The following PHEX variants were observed in gnomAD, a reference collection of about 807,000 sequenced individuals.
PHEX encodes the protein phosphate regulating endopeptidase X-linked.
In PHEX, 16 loss-of-function variants were observed where a neutral mutation model predicts 68.0. The ratio of observed to expected loss-of-function variants is 0.24; its 90% confidence interval spans 0.16 to 0.36. PHEX has a LOEUF of 0.36. Among genes scored for constraint, PHEX ranks in the 10% least tolerant of loss-of-function variants. PHEX has a pLI of 1.00. For synonymous variants in PHEX, 208 were observed against 205.1 expected (o/e 1.01, Z -0.12); for missense variants, 480 against 575.5 (o/e 0.83, Z 1.70).
chrX:22,044,161 T>C (rs1441450771), intron 2 of PHEX, among the ~76,000 whole-genome samples: 1 of 110,484 alleles, frequency 9.1e-6, no homozygotes, highest in Non-Finnish European at 1.9e-5. Flanking sequence ...ATGGAGAGGA[T>C]ACATTTGAGG....
chrX:22,203,333 T>C (rs2285072), intron 15 of PHEX, among the ~76,000 whole-genome samples: 30,485 of 109,162 alleles, frequency 0.28, 3,449 homozygotes, highest in African/African-American at 0.39. Flanking sequence ...TTGTCAGCTC[T>C]AGGCTGATAG....
At chrX:22,240,591 A>C (rs1225232151) in intron 20 of PHEX, among the ~76,000 whole-genome samples, 4 of 110,731 alleles carry the variant, frequency 3.6e-5, no homozygotes, top group African/African-American at 9.9e-5. Context: ...CAAAAAAAAA[A>C]CAGAGGTTGC....
rs181916312 is a variant in PHEX at position 22,076,816 on chromosome X, G to A, written c.436+342G>A. Among the ~76,000 whole-genome samples the A allele has an allele frequency of 4.9e-4, 55 of 112,139 alleles. 1 individual carries two copies. The highest frequency in any genetic ancestry group is 1.8e-3 in the African/African-American group (54 of 30,833). On this transcript the variant is annotated intron_variant, in intron 4 of 21. Coordinates refer to ENST00000379374, the MANE Select transcript of PHEX (RefSeq NM_000444.6). ...TCTGGCTTGAGACAGAGACTGGGAG[G>A]GAGTGCACCTACTGGAGCCTAGAGA...
At position 22,219,906 on chromosome X, in the gene PHEX, C is replaced by T. The variant is rs113535383; in HGVS notation, c.1768+803C>T. 4.1e-3 allele frequency among the ~76,000 whole-genome samples: 454 copies of T among 111,869 alleles called. 2 individuals carry two copies. The highest frequency in any genetic ancestry group is 0.014 in the African/African-American group (425 of 30,792). ...TGCTGGGATTACAGGCATGAGCTAC[C>T]GCGCCTGGCCTATTCTGATTATTTT... is the stretch of plus-strand genomic sequence containing the variant. On this transcript the variant is annotated intron_variant, in intron 17 of 21. Coordinates refer to ENST00000379374, the MANE Select transcript of PHEX (RefSeq NM_000444.6).
chrX:22,176,403 AT>A (rs1169559513), intron 13 of PHEX, among the ~76,000 whole-genome samples: 265 of 52,354 alleles, frequency 5.1e-3, no homozygotes, highest in African/African-American at 8.5e-3. Context: ...AAAAAAAAAA[AT>A]ATATATATAT....
At chrX:22,213,993 G>T (rs757259242) in intron 16 of PHEX, among the ~76,000 whole-genome samples, 19 of 111,997 alleles carry the variant, frequency 1.7e-4, no homozygotes, top group Non-Finnish European at 3.6e-4. Flanking sequence ...AATGAATTAT[G>T]TCCTGTGAGT....
In PHEX at chrX:22,248,104, G is replaced by A; in HGVS notation, c.*151G>A. ...TAGGTGACCTGCTTGGATCTAGACA[G>A]CATCTGTTCAAAGTTGTAGGGCTTA... On this transcript the variant is annotated 3_prime_UTR_variant, in exon 22 of 22. Coordinates refer to ENST00000379374, the MANE Select transcript of PHEX (RefSeq NM_000444.6). 1 of 488,639 alleles carries A rather than the reference G, an allele frequency of 2.0e-6. No homozygotes were observed. The highest frequency in any genetic ancestry group is 3.7e-6 in the Non-Finnish European group (1 of 272,824). 40.3% of individuals were successfully genotyped at this position (488,639 alleles called of 1,213,427 possible). A position where few individuals can be genotyped will look rare whatever the true frequency, so the allele number is the denominator to read the frequency against.
rs1247915981 is a variant in PHEX, at chrX:22,169,394, T to C, written c.1482+1005T>C. Among the ~76,000 whole-genome samples the C allele has an allele frequency of 1.8e-5, 2 of 112,488 alleles. 1 individual carries two copies. The highest frequency in any genetic ancestry group is 6.5e-5 in the African/African-American group (2 of 30,979). ...ATGATGCTGAAAATCCCATTATTAT[T>C]ATCGTAACTAAAAATATTGAAGCAC... On this transcript the variant is annotated intron_variant, in intron 13 of 21. Transcript: ENST00000379374.
Position 22,076,687 on chromosome X carries a change from A to T in PHEX, c.436+213A>T, listed in dbSNP as rs370689912. ...GCTTGGTGGAGAAAATCTTATTTAT[A>T]TGAGTTGGATTCTTTGGGTATCATT... On this transcript the variant is annotated intron_variant, in intron 4 of 21. Coordinates refer to ENST00000379374, the MANE Select transcript of PHEX (RefSeq NM_000444.6). 7.1e-5 allele frequency among the ~76,000 whole-genome samples: 8 copies of T among 112,212 alleles called. 1 individual carries two copies. The East Asian group carries it at 1.7e-3, about 23-fold the overall frequency.
At chrX:22,062,667 G>A (rs1478740467) in intron 3 of PHEX, among the ~76,000 whole-genome samples, 1 of 111,368 alleles carries the variant, frequency 9.0e-6, no homozygotes, top group Non-Finnish European at 1.9e-5. Context: ...GGAATTACTA[G>A]GGAGCTTATA....
In PHEX at chrX:22,059,110, T is replaced by C. The variant is rs1304037921; in HGVS notation, c.349+11899T>C. 2.1e-4 allele frequency among the ~76,000 whole-genome samples: 24 copies of C among 111,708 alleles called. No homozygotes were observed. In the Admixed American group the frequency reaches 2.2e-3, roughly 10 times the overall value. The stretch of plus-strand genomic sequence containing the variant: ...GTGAGCCAGCGTGCACAGCCCTCAT[T>C]TCCCTTTGTTCTCTCTTCTTTCTTA... On this transcript the variant is annotated intron_variant, in intron 3 of 21. Coordinates refer to ENST00000379374, the MANE Select transcript of PHEX (RefSeq NM_000444.6).
In PHEX at chrX:22,043,036, T is replaced by C. The variant is rs138731817; in HGVS notation, c.188-4014T>C. ...ACAAGAATATGCATATGTTTCCCTA[T>C]AGAAACATTAATGCACTTGCTTCAG... On this transcript the variant is annotated intron_variant, in intron 2 of 21. Coordinates refer to ENST00000379374, the MANE Select transcript of PHEX (RefSeq NM_000444.6). 5.5e-3 allele frequency among the ~76,000 whole-genome samples: 617 copies of C among 112,254 alleles called. 4 individuals are homozygous for C. Among genetic ancestry groups the C allele is most frequent in the African/African-American group, 0.019 (596 of 30,961 alleles).
At chrX:22,225,134 C>A (rs1365932789) in intron 18 of PHEX, among the ~76,000 whole-genome samples, 1 of 106,668 alleles carries the variant, frequency 9.4e-6, no homozygotes, top group Admixed American at 1.0e-4. Flanking sequence ...AGCTCATGGC[C>A]CCTTCGTTTT....
intron 12 of PHEX, among the ~76,000 whole-genome samples, chrX:22,144,543 C>T (rs1048504799): frequency 9.0e-6 from 1 of 110,931 alleles, no homozygotes; most frequent in African/African-American, 3.3e-5. Flanking sequence ...CTAATTCCAT[C>T]TATGAAATCA....
intron 8 of PHEX, among the ~76,000 whole-genome samples, chrX:22,098,795 CAAAAAAA>C (rs746223770): frequency 1.2e-3 from 14 of 11,360 alleles, no homozygotes; most frequent in African/African-American, 1.6e-3. Flanking sequence ...GAGAATGTCT[CAAAAAAA>C]AAAAAAAAAA....
intron 9 of PHEX, among the ~76,000 whole-genome samples, chrX:22,105,687 T>C (rs539584016): frequency 8.9e-6 from 1 of 111,983 alleles, no homozygotes; most frequent in South Asian, 3.7e-4. Flanking sequence ...GGAAGTACCT[T>C]GACCTCTTAC....
intron 15 of PHEX, among the ~76,000 whole-genome samples, chrX:22,211,892 T>C (rs763459891): frequency 9.0e-6 from 1 of 111,668 alleles, no homozygotes; most frequent in Non-Finnish European, 1.9e-5. Flanking sequence ...TATAAAACCA[T>C]TGGATCTCAT....
At chrX:22,090,033 G>A (rs1177346682) in intron 5 of PHEX, among the ~76,000 whole-genome samples, 5 of 112,053 alleles carry the variant, frequency 4.5e-5, no homozygotes, top group Non-Finnish European at 7.5e-5. Context: ...AGGAGACAAC[G>A]ATTTTAGTCT....
Position 22,084,345 on chromosome X carries a change from C to T in PHEX, c.664-6084C>T, listed in dbSNP as rs112512283. 4.2e-3 allele frequency among the ~76,000 whole-genome samples: 464 copies of T among 111,144 alleles called. 1 individual carries two copies. Among genetic ancestry groups the T allele is most frequent in the African/African-American group, 0.014 (433 of 30,610 alleles). On this transcript the variant is annotated intron_variant, in intron 5 of 21. Coordinates refer to ENST00000379374, the MANE Select transcript of PHEX (RefSeq NM_000444.6). ...TCCTGGCATCCCTGGATTAATCCCA[C>T]TCAATCATAGTGAATGATCTTTTTC...
Sources: allele counts gnomAD v4.1 joint callset (sites outside exome capture counted in the v4.1 genomes callset), GRCh38; gene constraint gnomAD v4.1.1; transcripts MANE v1.5; gene names NCBI Gene and HGNC (gene_info 2026-07-23, HGNC 2026-07-21).